LOC128092253: variants seen among roughly 807,000 people sequenced by gnomAD.
At chr6:133,979,730 T>A in the LOC128092253 span, among the ~76,000 whole-genome samples, 1 of 152,180 alleles carries the variant, frequency 6.6e-6, no homozygotes, top group Non-Finnish European at 1.5e-5. Context: ...CACTGCAACC[T>A]CCGCCTCCCA....
At chr6:133,965,030 G>A in the LOC128092253 span, among the ~76,000 whole-genome samples, 6 of 152,124 alleles carry the variant, frequency 3.9e-5, no homozygotes, top group Non-Finnish European at 7.4e-5. Flanking sequence ...AATATAGAGA[G>A]GCTTGATCTT....
At chr6:133,954,157 CT>C in the LOC128092253 span, among the ~76,000 whole-genome samples, 1 of 152,200 alleles carries the variant, frequency 6.6e-6, no homozygotes, top group Non-Finnish European at 1.5e-5. Flanking sequence ...TGTCAATGTG[CT>C]CATTGCAATA....
the LOC128092253 span, among the ~76,000 whole-genome samples, chr6:133,960,151 C>A: frequency 8.4e-3 from 1,281 of 152,286 alleles, 38 homozygotes; most frequent in Admixed American, 0.062. Context: ...GGTTGACCTC[C>A]TTCCAGGATC....
chr6:133,971,876 G>C, the LOC128092253 span, among the ~76,000 whole-genome samples: 13 of 152,054 alleles, frequency 8.5e-5, no homozygotes, highest in Non-Finnish European at 1.6e-4. Context: ...CCTGTTCTGT[G>C]GGTTGGCTTT....
At chr6:133,973,246 C>T in the LOC128092253 span, among the ~76,000 whole-genome samples, 2 of 152,110 alleles carry the variant, frequency 1.3e-5, no homozygotes, top group African/African-American at 4.8e-5. Flanking sequence ...CATGTGGGTT[C>T]CTATTGTGTT....
chr6:133,975,794 G>A, the LOC128092253 span, among the ~76,000 whole-genome samples: 1 of 152,196 alleles, frequency 6.6e-6, no homozygotes, highest in South Asian at 2.1e-4. Context: ...AGGGAAAGGT[G>A]AGGAGGATGT....
At chr6:133,974,772 T>C in the LOC128092253 span, among the ~76,000 whole-genome samples, 1 of 152,246 alleles carries the variant, frequency 6.6e-6, no homozygotes, top group African/African-American at 2.4e-5. Context: ...ACTCACACTT[T>C]CAACATCGTT....
chr6:133,955,425 C>T, the LOC128092253 span, among the ~76,000 whole-genome samples: 7 of 151,942 alleles, frequency 4.6e-5, no homozygotes, highest in Admixed American at 3.3e-4. Context: ...GTATCATTTC[C>T]GTTTCTTACA....
chr6:133,958,505 A>G, the LOC128092253 span, among the ~76,000 whole-genome samples: 3 of 152,344 alleles, frequency 2.0e-5, no homozygotes, highest in Admixed American at 6.5e-5. Context: ...GGTAAAGCTA[A>G]AAACAAATAC....
chr6:133,977,585 A>G, the LOC128092253 span, among the ~76,000 whole-genome samples: 1 of 152,198 alleles, frequency 6.6e-6, no homozygotes, highest in Non-Finnish European at 1.5e-5. Flanking sequence ...AGTAAATTTG[A>G]TAGTTGATTC....
chr6:133,954,152 A>G, the LOC128092253 span, among the ~76,000 whole-genome samples: 4 of 152,344 alleles, frequency 2.6e-5, 1 homozygote, highest in South Asian at 4.1e-4. Flanking sequence ...GGCTCTGTCA[A>G]TGTGCTCATT....
chr6:133,973,304 G>A, the LOC128092253 span, among the ~76,000 whole-genome samples: 1 of 152,186 alleles, frequency 6.6e-6, no homozygotes, highest in African/African-American at 2.4e-5. Flanking sequence ...CCATTTCTTA[G>A]ATCATAGATG....
chr6:133,965,812 A>G, the LOC128092253 span, among the ~76,000 whole-genome samples: 2 of 152,306 alleles, frequency 1.3e-5, no homozygotes, highest in Admixed American at 6.5e-5. Context: ...CTCCATCCAT[A>G]TGAAGAAAGG....
chr6:133,961,699 C>T, the LOC128092253 span, among the ~76,000 whole-genome samples: 7 of 152,030 alleles, frequency 4.6e-5, no homozygotes, highest in East Asian at 5.8e-4. Context: ...TCCCTGACCT[C>T]GTGATCCATG....
At chr6:133,963,946 C>A in the LOC128092253 span, among the ~76,000 whole-genome samples, 1 of 151,220 alleles carries the variant, frequency 6.6e-6, no homozygotes, top group African/African-American at 2.4e-5. Flanking sequence ...GAGGCTGAGG[C>A]GGGAGAATGG....
the LOC128092253 span, among the ~76,000 whole-genome samples, chr6:133,970,806 G>T: frequency 6.6e-6 from 1 of 151,942 alleles, no homozygotes; most frequent in South Asian, 2.1e-4. Context: ...TATCTGTGTT[G>T]CCCAGGCTGG....
chr6:133,955,301 C>T, the LOC128092253 span, among the ~76,000 whole-genome samples: 1 of 150,602 alleles, frequency 6.6e-6, no homozygotes, highest in Admixed American at 6.7e-5. Context: ...CCTTTATTAA[C>T]AATGCAGTGT....
At chr6:133,978,139 A>G in the LOC128092253 span, among the ~76,000 whole-genome samples, 1 of 152,186 alleles carries the variant, frequency 6.6e-6, no homozygotes, top group Non-Finnish European at 1.5e-5. Flanking sequence ...ATGTTGGGGT[A>G]AGCAGCCAGG....
At chr6:133,954,652 G>T in the LOC128092253 span, among the ~76,000 whole-genome samples, 1 of 152,210 alleles carries the variant, frequency 6.6e-6, no homozygotes, top group Non-Finnish European at 1.5e-5. Context: ...TTTATGTAAA[G>T]TTGAAGATTA....
Sources: allele counts gnomAD v4.1 joint callset (sites outside exome capture counted in the v4.1 genomes callset), GRCh38; gene constraint gnomAD v4.1.1; transcripts MANE v1.5.